Variants in UNC80 observed in about 807,000 individuals in gnomAD.
UNC80 encodes the protein unc-80 subunit of NALCN channel complex.
In UNC80, 164 loss-of-function variants were observed where a neutral mutation model predicts 384.6. The ratio of observed to expected loss-of-function variants is 0.43; its 90% CI spans 0.38 to 0.49. UNC80 has a LOEUF of 0.49. UNC80 is among the 20% of genes least tolerant of loss of function. UNC80 has a pLI of 0.00. For missense variants in UNC80, 3,330 were observed against 4,143.0 expected (o/e 0.80, Z 5.39); for synonymous variants, 1,486 against 1,527.8 (o/e 0.97, Z 0.64).
Position 209,839,325 on chromosome 2 carries a change from G to A in UNC80, c.3145G>A (p.Asp1049Asn). The A allele has an allele frequency of 6.4e-7, 1 of 1,551,720 alleles. No homozygotes were observed. Among genetic ancestry groups the A allele is most frequent in the Non-Finnish European group, 8.7e-7 (1 of 1,147,000 alleles). Residue 1049 changes from aspartate (D) to asparagine (N), a missense_variant, in exon 19 of 65, where the codon GAC becomes AAC. Around this residue, in one of 8 missense-constraint regions of UNC80, gnomAD observed 801 missense variants for 950.8 expected, o/e 0.84. Coordinates refer to ENST00000673920, the MANE Select transcript of UNC80 (RefSeq NM_001371986.1). This position sits in a 1 kb window ranked among gnomAD's most constrained non-coding sequence, Gnocchi z 4.1. ...ASDTSSQSEQ[D>N]TSECTTAHSG... ...TGACACCAGCAGCCAGTCTGAACAG[G>A]ACACTTCAGAATGCACGACTGCCCA...
chr2:209,971,185 A>G (rs1488291860), intron 54 of UNC80, among the ~76,000 whole-genome samples: 1 of 152,226 alleles, frequency 6.6e-6, no homozygotes, highest in East Asian at 1.9e-4. Flanking sequence ...TAGTCCTGCC[A>G]CAACTTCAGG....
At chr2:209,852,151 T>C (rs1260903887) in intron 22 of UNC80, among the ~76,000 whole-genome samples, 1 of 152,074 alleles carries the variant, frequency 6.6e-6, no homozygotes, top group East Asian at 1.9e-4. Flanking sequence ...CTAGACTGGA[T>C]CCAGTAGGGG....
chr2:209,883,392 C>T (rs2085469572), intron 25 of UNC80, among the ~76,000 whole-genome samples: 1 of 149,738 alleles, frequency 6.7e-6, no homozygotes, highest in East Asian at 2.0e-4. Context: ...CCATTTTGCC[C>T]TCCCACCAAG....
rs1391789292 is a variant in UNC80 at position 209,959,129 on chromosome 2, C to G, written c.7561C>G (p.Gln2521Glu). 6.4e-6 allele frequency: 10 copies of G among 1,551,990 alleles called. No homozygotes were observed. The highest frequency in any genetic ancestry group is 1.4e-5 in the African/African-American group (1 of 73,042). Residue 2521 changes from glutamine to glutamate, a missense_variant, in exon 50 of 65, where the codon CAA (glutamine) becomes GAA (glutamate). By Grantham distance (29) the Gln-to-Glu change is conservative. Transcript: ENST00000673920. Reference protein sequence around the residue: ...SSGVNTRYQEQGAKLHFIREN... With the variant: ...SSGVNTRYQEEGAKLHFIREN... ...TTTTCTGACTCCCAGGTACCAGGAA[C>G]AAGGAGCCAAACTGCACTTTATCAG...
chr2:209,839,245 A>T lies in UNC80; in HGVS notation c.3065A>T (p.Asn1022Ile). The part of the protein sequence containing the change: ...PEHDEQMQGA[N>I]LGRKDFWRKM... ...AGCGATGAACAAATGCAAGGAGCCA[A>T]CTTGGGGCGGAAAGATTTCTGGCGT... Residue 1022 changes from asparagine to isoleucine, a missense_variant, in exon 19 of 65, where the codon AAC (asparagine) becomes ATC (isoleucine). By Grantham distance (149) the Asn-to-Ile change is moderately radical. This residue lies in a region of UNC80 where 801 missense variants were observed against 950.8 expected (regional missense o/e 0.84). Transcript: ENST00000673920. The surrounding 1 kb of genome is among the most constrained non-coding windows in gnomAD (Gnocchi z 4.1). 6.4e-7 allele frequency: 1 copy of T among 1,551,604 alleles called. No homozygotes were observed. Among genetic ancestry groups the T allele is most frequent in the Non-Finnish European group, 8.7e-7 (1 of 1,146,994 alleles).
chr2:209,803,882 C>T (rs1210489910), intron 7 of UNC80, among the ~76,000 whole-genome samples: 1 of 152,044 alleles, frequency 6.6e-6, no homozygotes, highest in African/African-American at 2.4e-5. Context: ...ACAATGTGCA[C>T]CATCAAGTCC....
rs928324082 is a variant in UNC80, at chr2:209,776,439, A to G, written c.298+394A>G. ...TCTACTAAAAATACAAAATTACCTG[A>G]GCATGGTGGTGCACACCTGTAATCC... On this transcript the variant is annotated intron_variant, in intron 3 of 64. Transcript: ENST00000673920. 2.6e-5 allele frequency among the ~76,000 whole-genome samples: 4 copies of G among 152,140 alleles called. No individual in the cohort carries two copies. The East Asian group carries it at 7.7e-4, about 29-fold the overall frequency.
At chr2:209,946,003 T>C (rs1201928439) in intron 47 of UNC80, 60 bp downstream of exon 47, 3 of 1,162,876 alleles carry the variant, frequency 2.6e-6, no homozygotes, top group Non-Finnish European at 1.2e-6. Context: ...GAAAATAAAA[T>C]TGAATGAATA....
rs559770480 is a variant in UNC80, at chr2:209,970,823, G to A, written c.8131-9G>A. On this transcript the variant is annotated splice_polypyrimidine_tract_variant and intron_variant, in intron 53 of 64. Coordinates refer to ENST00000673920, the MANE Select transcript of UNC80 (RefSeq NM_001371986.1). ...TCAAGGCTGGTCATGTGCTCTGTTT[G>A]TATTTCAGGTGATGGGAGTGGTAGG... 14 of 1,551,076 alleles carry A rather than the reference G, an allele frequency of 9.0e-6. No individual in the cohort carries two copies. Among genetic ancestry groups the A allele is most frequent in the Non-Finnish European group, 1.2e-5 (14 of 1,146,788 alleles).
intron 22 of UNC80, among the ~76,000 whole-genome samples, chr2:209,867,816 G>A (rs977561960): frequency 5.9e-5 from 9 of 151,918 alleles, no homozygotes; most frequent in Non-Finnish European, 1.0e-4. Context: ...AGTTGTCTTC[G>A]ATCTCACTTT....
intron 4 of UNC80, among the ~76,000 whole-genome samples, chr2:209,781,329 T>A (rs1326337365): frequency 6.6e-6 from 1 of 152,192 alleles, no homozygotes; most frequent in East Asian, 1.9e-4. Flanking sequence ...GAGATAATAG[T>A]AAAGACTGTG....
chr2:209,887,997 G>A (rs371213076), intron 25 of UNC80, 98 bp from the exon 26 acceptor site: 16 of 1,134,086 alleles, frequency 1.4e-5, no homozygotes, highest in Non-Finnish European at 1.8e-5. Context: ...CTGTTTAAAC[G>A]CAGTTGTGTA....
At chr2:209,961,772 A>C (rs754426532) in intron 51 of UNC80, among the ~76,000 whole-genome samples, 2 of 152,228 alleles carry the variant, frequency 1.3e-5, no homozygotes, top group Admixed American at 6.5e-5. Flanking sequence ...TGTAGGGGCC[A>C]AGGGAAAATT....
At position 209,977,000 on chromosome 2, in the gene UNC80, C is replaced by G. The variant is rs1559427294; in HGVS notation, c.8860C>G (p.Pro2954Ala). The change falls in exon 58 of 65, where the codon CCT (proline) becomes GCT (alanine). Residue 2954 changes from proline to alanine, a missense_variant. Transcript: ENST00000673920. The surrounding 1 kb of genome is among the most constrained non-coding windows in gnomAD (Gnocchi z 4.3). ...DQLERRFIPRPLCKSSLIAEF... is the reference protein window; with the variant it reads ...DQLERRFIPRALCKSSLIAEF... ...GCTGGAGCGGCGCTTCATACCACGC[C>G]CTTTGTGTAAGAGCTCGCTCATTGC... 1.3e-6 allele frequency: 2 copies of G among 1,539,068 alleles called. No individual in the cohort carries two copies.
intron 18 of UNC80, among the ~76,000 whole-genome samples, chr2:209,838,185 C>T (rs530190594): frequency 1.3e-5 from 2 of 152,154 alleles, no homozygotes; most frequent in Admixed American, 1.3e-4. Flanking sequence ...TGCCACATTA[C>T]TTTAAAGAGA....
chr2:209,939,134 G>A (rs551784341), intron 42 of UNC80, among the ~76,000 whole-genome samples: 1 of 152,144 alleles, frequency 6.6e-6, no homozygotes, highest in Non-Finnish European at 1.5e-5. Context: ...GACCCTGTTA[G>A]TGAAGGTCTT....
chr2:209,933,474 C>G (rs909127806), intron 38 of UNC80, among the ~76,000 whole-genome samples: 1 of 143,142 alleles, frequency 7.0e-6, no homozygotes, highest in Admixed American at 7.7e-5. Flanking sequence ...AGACATAATC[C>G]AAGCTGCAAA....
At chr2:209,924,730 A>G (rs1236403767) in intron 35 of UNC80, among the ~76,000 whole-genome samples, 3 of 151,628 alleles carry the variant, frequency 2.0e-5, no homozygotes, top group Non-Finnish European at 4.4e-5. Flanking sequence ...CTCCCAACTC[A>G]TATGAGCACC....
At chr2:209,918,056 ATTC>A (rs761828016) in intron 32 of UNC80, 98 bp downstream of exon 32, 21 of 1,179,034 alleles carry the variant, frequency 1.8e-5, no homozygotes, top group East Asian at 1.0e-4. Flanking sequence ...GGCCAAAGAT[ATTC>A]TTCTTTTTTC....
Sources: allele counts gnomAD v4.1 joint callset (sites outside exome capture counted in the v4.1 genomes callset), GRCh38; gene constraint gnomAD v4.1.1; regional missense constraint gnomAD v4.1.1; non-coding constraint Gnocchi (gnomAD v3.1); transcripts MANE v1.5; gene names NCBI Gene and HGNC (gene_info 2026-07-23, HGNC 2026-07-21).